The following CCT5 variants were observed in gnomAD, a reference collection of about 807,000 sequenced individuals.
CCT5 encodes the protein chaperonin containing TCP1 subunit 5.
Under a neutral mutation model 55.0 loss-of-function variants are expected in CCT5, and 6 were observed. The observed-to-expected ratio is 0.11, with a 90% confidence interval of 0.06 to 0.22. CCT5 has a LOEUF of 0.22. Ranked by LOEUF, CCT5 falls within the 10% of genes least tolerant of loss-of-function variation. The pLI is 1.00. For synonymous variants in CCT5, 231 were observed against 243.7 expected (o/e 0.95, Z 0.49); for missense variants, 560 against 694.6 (o/e 0.81, Z 2.18).
rs139089540 is a variant in CCT5, at chr5:10,252,094, T to C, written c.105+1649T>C. ...TAGAGCAGCATTCTCAAGTTTGGCA[T>C]ATTGACATTCGAGGTCGGATCATTC... On this transcript the variant is annotated intron_variant, in intron 1 of 10. Coordinates refer to ENST00000280326, the MANE Select transcript of CCT5 (RefSeq NM_012073.5). Among the ~76,000 whole-genome samples, 936 of 152,362 alleles carry C rather than the reference T, an allele frequency of 6.1e-3. 3 individuals are homozygous for C. The highest frequency in any genetic ancestry group is 0.017 in the Middle Eastern group (5 of 294).
chr5:10,250,859 C>T (rs1469885401), intron 1 of CCT5: 3 of 1,050,354 alleles, frequency 2.9e-6, no homozygotes, highest in East Asian at 8.9e-5. Flanking sequence ...GGTCCACCCG[C>T]AACGGCCCTT....
chr5:10,254,630 G>A, intron 2 of CCT5, 44 bp from the exon 3 acceptor site: 1 of 1,588,208 alleles, frequency 6.3e-7, no homozygotes, highest in Non-Finnish European at 8.6e-7. Context: ...TGTGATATTG[G>A]TTGCCAGTTT....
At position 10,258,530 on chromosome 5, in the gene CCT5, C is replaced by G. The variant is rs374472271; in HGVS notation, c.868C>G (p.Gln290Glu). 7 of 1,612,960 alleles carry G rather than the reference C, an allele frequency of 4.3e-6. No homozygotes were observed. The highest frequency in any genetic ancestry group is 1.6e-4 in the Middle Eastern group (1 of 6,076). ...AAAGGAGAAATTTGAAGAGATGATT[C>G]AACAAGTAAGTCTTACCAGAGTCCT... ...YEKEKFEEMI[Q>E]QIKETGANLA... The change falls in exon 6 of 11, where the codon CAA becomes GAA. Residue 290 changes from glutamine (Q) to glutamate (E), a missense_variant. Gln to Glu is a conservative substitution (Grantham distance 29). This residue lies in a region of CCT5 where 256 missense variants were observed against 372.4 expected (regional missense o/e 0.69). Transcript: ENST00000280326.
intron 9 of CCT5, among the ~76,000 whole-genome samples, chr5:10,262,849 A>G (rs1334268812): frequency 3.3e-5 from 5 of 152,230 alleles, no homozygotes; most frequent in Admixed American, 1.3e-4. Context: ...TAATAAATCT[A>G]TAGTCTTTTA....
chr5:10,262,548 A>C lies in CCT5; in HGVS notation c.1247A>C (p.Asn416Thr). Residue 416 changes from asparagine to threonine, a missense_variant, in exon 9 of 11, where the codon AAT becomes ACT. Physicochemically the swap from Asn to Thr is moderately conservative, Grantham distance 65. Transcript: ENST00000280326. ...LCVIRNLIRD[N>T]RVVYGGGAAE... ...GTCATCCGGAACCTCATCCGCGATA[A>C]TCGTGTGGTGTATGGAGGAGGGGCT... 6.2e-7 allele frequency: 1 copy of C among 1,614,238 alleles called. No individual in the cohort carries two copies.
In CCT5 at chr5:10,261,718, C is replaced by A. The variant is rs1745971568; in HGVS notation, c.1152C>A (p.Thr384=). 6.2e-7 allele frequency: 1 copy of A among 1,613,800 alleles called. No homozygotes were observed. Among genetic ancestry groups the A allele is most frequent in the African/African-American group, 1.3e-5 (1 of 74,886 alleles). Residue 384 remains threonine, a synonymous_variant, in exon 8 of 11, where the codon ACC becomes ACA. Transcript: ENST00000280326. ...AGTGTAAGAACTCCAGAGCTGTAACCATTTTTATTAGAGGAGGAAATAAGA... is the reference window on the plus strand; with the variant it reads ...AGTGTAAGAACTCCAGAGCTGTAACAATTTTTATTAGAGGAGGAAATAAGA... ...IEQCKNSRAV[T]IFIRGGNKMI...
At chr5:10,251,047 G>GTGCT (rs1247537410) in intron 1 of CCT5, among the ~76,000 whole-genome samples, 4 of 152,248 alleles carry the variant, frequency 2.6e-5, no homozygotes, top group Non-Finnish European at 2.9e-5. Context: ...CATAAGCGTG[G>GTGCT]TGCTGGAGGA....
chr5:10,263,061 G>A (rs1360827516), intron 9 of CCT5, 73 bp from the exon 10 acceptor site: 8 of 1,228,746 alleles, frequency 6.5e-6, no homozygotes, highest in Admixed American at 1.7e-5. Flanking sequence ...ATGTGATACA[G>A]TTGTGTTTTC....
intron 10 of CCT5, 58 bp from the exon 11 acceptor site, chr5:10,264,598 G>C: frequency 8.9e-7 from 1 of 1,123,440 alleles, no homozygotes; most frequent in South Asian, 1.2e-5. Context: ...GAAAGAGTTG[G>C]TTATTGATAG....
Position 10,258,397 on chromosome 5 carries a change from T to C in CCT5, c.735T>C (p.Asp245=). Residue 245 remains aspartate, a synonymous_variant, in exon 6 of 11, where the codon GAT becomes GAC. Coordinates refer to ENST00000280326, the MANE Select transcript of CCT5 (RefSeq NM_012073.5). ...ATGTTCCCCCATAGAAAGTGGAAGA[T>C]GCGAAGATTGCAATTCTCACATGTC... ...SHPQMPKKVE[D]AKIAILTCPF... The C allele has an allele frequency of 1.9e-6, 3 of 1,614,258 alleles. No homozygotes were observed. Among genetic ancestry groups the C allele is most frequent in the Non-Finnish European group, 2.5e-6 (3 of 1,180,042 alleles).
chr5:10,256,181 C>G, intron 4 of CCT5, 28 bp downstream of exon 4: 1 of 1,593,204 alleles, frequency 6.3e-7, no homozygotes, highest in Non-Finnish European at 8.6e-7. Context: ...ATATGATTAC[C>G]CATTTGTAGA....
At chr5:10,250,689 T>G in intron 1 of CCT5, 1 of 1,381,576 alleles carries the variant, frequency 7.2e-7, no homozygotes, top group South Asian at 1.6e-5. Context: ...CGGAGCTGGG[T>G]GGGGCCGCTC....
At chr5:10,254,889 C>A in intron 3 of CCT5, 51 bp downstream of exon 3, 1 of 1,479,838 alleles carries the variant, frequency 6.8e-7, no homozygotes, top group Non-Finnish European at 9.4e-7. Flanking sequence ...CATTTAAGAC[C>A]ACAGGGCTAA....
intron 1 of CCT5, chr5:10,250,903 C>T (rs1745363007): frequency 4.9e-6 from 5 of 1,013,960 alleles, no homozygotes; most frequent in Non-Finnish European, 5.9e-6. Context: ...GGTGTGGTCA[C>T]TTAACAGGGT....
rs1452029604 is a variant in CCT5 at position 10,265,541 on chromosome 5, G to A, written c.*758G>A. On this transcript the variant is annotated 3_prime_UTR_variant, in exon 11 of 11. Transcript: ENST00000280326. Reference sequence around the variant, plus strand: ...GTTACCATGTTCAGATAGAGTGACTGAAATTAATTGTACTTACTAAAGTAT... The same window carrying A: ...GTTACCATGTTCAGATAGAGTGACTAAAATTAATTGTACTTACTAAAGTAT... The A allele has an allele frequency of 2.0e-5, 3 of 152,254 alleles. No homozygotes were observed. Among genetic ancestry groups the A allele is most frequent in the Admixed American group, 6.5e-5 (1 of 15,282 alleles). 9.4% of individuals were successfully genotyped at this position (152,254 alleles called of 1,614,324 possible).
intron 8 of CCT5, chr5:10,262,133 T>A (rs1745996564): frequency 2.5e-6 from 1 of 397,940 alleles, no homozygotes; most frequent in Non-Finnish European, 4.7e-6. Flanking sequence ...AAGGATGACT[T>A]ACATCTGTCC....
chr5:10,255,146 C>T (rs1026364816), intron 3 of CCT5: 2 of 390,416 alleles, frequency 5.1e-6, no homozygotes, highest in Admixed American at 7.6e-5. Flanking sequence ...GGATCATGTA[C>T]TGCAATGCTG....
In CCT5 at chr5:10,264,843, G is replaced by A. The variant is rs775468862; in HGVS notation, c.*60G>A. 1.9e-4 allele frequency: 307 copies of A among 1,603,834 alleles called. No homozygotes were observed. The highest frequency in any genetic ancestry group is 2.3e-4 in the Non-Finnish European group (275 of 1,171,534). ...CTGTGATTAAGTAAATGGATGTCTC[G>A]TGATGCATCTACAGTTATTTATTGT... On this transcript the variant is annotated 3_prime_UTR_variant, in exon 11 of 11. Transcript: ENST00000280326.
chr5:10,254,323 G>A, intron 2 of CCT5, 118 bp downstream of exon 2: 2 of 753,818 alleles, frequency 2.7e-6, no homozygotes, highest in Non-Finnish European at 4.6e-6. Context: ...CCTTAACACA[G>A]CCAAAATTTT....
Sources: gnomAD v4.1 joint callset for allele counts (sites outside exome capture counted in the v4.1 genomes callset) on GRCh38, gnomAD v4.1.1 for gene constraint, gnomAD v4.1.1 regional missense constraint, MANE v1.5 for transcripts, NCBI Gene and HGNC (gene_info 2026-07-23, HGNC 2026-07-21) for gene names.